The following BBS7 variants were observed in gnomAD, a reference collection of about 807,000 sequenced individuals.
The protein encoded by BBS7 is BBSome complex member BBS7.
In BBS7, 50 loss-of-function variants were observed where a neutral mutation model predicts 90.3. That is an observed-to-expected ratio of 0.55 (90% CI 0.44 to 0.70). The LOEUF (loss-of-function observed/expected upper bound fraction) is 0.70. BBS7 is among the 30% of genes least tolerant of loss of function. The pLI is 0.00. For missense variants in BBS7, 729 were observed against 838.9 expected, an observed-to-expected ratio of 0.87 and a Z score of 1.62; for synonymous variants, 235 against 287.4, an observed-to-expected ratio of 0.82 and a Z score of 1.85.
chr4:121,826,078 C>G (rs1207094753), intron 18 of BBS7, 85 bp from the exon 19 acceptor site: 2 of 1,154,800 alleles, frequency 1.7e-6, no homozygotes, highest in East Asian at 2.4e-5. Flanking sequence ...GCTTGATAAT[C>G]TATTTTTAAG....
chr4:121,826,097 A>G (rs1023963500), intron 18 of BBS7, 104 bp from the exon 19 acceptor site: 2 of 950,776 alleles, frequency 2.1e-6, no homozygotes, highest in Non-Finnish European at 3.1e-6. Flanking sequence ...AGCACCTGTA[A>G]TTCCATGATT....
Position 121,845,660 on chromosome 4 carries a change from C to T in BBS7, c.1074G>A (p.Gln358=), listed in dbSNP as rs987198206. 6.2e-7 allele frequency: 1 copy of T among 1,613,200 alleles called. No homozygotes were observed. Among genetic ancestry groups the T allele is most frequent in the Non-Finnish European group, 8.5e-7 (1 of 1,179,484 alleles). Residue 358 remains glutamine (Q), a synonymous_variant, in exon 11 of 19, where the codon CAG becomes CAA. Transcript: ENST00000264499. ...ELEHLQYKVL[Q]ERENYQQSSQ... is the part of the protein sequence containing the mutation. ...AAGACTGTTGATAATTCTCTCTTTC[C>T]TGCAATACCTTATACTGCAAATGTT...
In BBS7 at chr4:121,825,150, T is replaced by C. The variant is rs1257159711; in HGVS notation, c.*710A>G. 1 of 152,242 alleles carries C rather than the reference T, an allele frequency of 6.6e-6. No individual in the cohort carries two copies. Among genetic ancestry groups the C allele is most frequent in the Non-Finnish European group, 1.5e-5 (1 of 68,082 alleles). The allele number at this position is 152,242 out of a possible 1,614,324, so 9.4% of individuals were successfully genotyped here. Reference sequence around the variant, plus strand: ...TAAGATCCCCCGACTCTGTGTAAGCTCTTCTTATTTCCTGGCTACAATTTA... The same window carrying C: ...TAAGATCCCCCGACTCTGTGTAAGCCCTTCTTATTTCCTGGCTACAATTTA... On this transcript the variant is annotated 3_prime_UTR_variant, in exon 19 of 19. Coordinates refer to ENST00000264499, the MANE Select transcript of BBS7 (RefSeq NM_176824.3).
intron 2 of BBS7, 117 bp downstream of exon 2, chr4:121,867,863 TC>T (rs2149094039): frequency 1.1e-6 from 1 of 918,020 alleles, no homozygotes; most frequent in African/African-American, 1.7e-5. Context: ...ATTAAAAAAT[TC>T]ATTTCCATTT....
chr4:121,855,877 T>C (rs564580263), intron 5 of BBS7, among the ~76,000 whole-genome samples: 3 of 143,474 alleles, frequency 2.1e-5, no homozygotes, highest in Non-Finnish European at 3.0e-5. Context: ...TATGTATATG[T>C]ACATATATGT....
intron 2 of BBS7, among the ~76,000 whole-genome samples, chr4:121,865,148 T>G (rs1727187877): frequency 6.6e-6 from 1 of 152,208 alleles, no homozygotes; most frequent in African/African-American, 2.4e-5. Flanking sequence ...ACATGTGGTG[T>G]TCAACTTTCT....
rs561186458 is a variant in BBS7, at chr4:121,850,320, A to G, written c.850-1392T>C. The stretch of plus-strand genomic sequence containing the variant: ...GCTGGGACTACAGGTGTACACCACC[A>G]TGCCTAGCTAATTTTTTAAATTTTT... On this transcript the variant is annotated intron_variant, in intron 8 of 18. Transcript: ENST00000264499. Among the ~76,000 whole-genome samples, 13 of 151,966 alleles carry G rather than the reference A, an allele frequency of 8.6e-5. No homozygotes were observed. The East Asian group carries it at 2.5e-3, about 29-fold the overall frequency.
chr4:121,838,983 A>G (rs1313114238), intron 13 of BBS7, among the ~76,000 whole-genome samples: 1 of 151,974 alleles, frequency 6.6e-6, no homozygotes, highest in Non-Finnish European at 1.5e-5. Context: ...ATATTTTATA[A>G]TATTAAAAAA....
chr4:121,858,838 T>TA (rs1726824835), intron 5 of BBS7, 154 bp downstream of exon 5: 1 of 741,444 alleles, frequency 1.3e-6, no homozygotes, highest in South Asian at 2.0e-5. Flanking sequence ...TGACTCAAGT[T>TA]AAAAAAATTA....
At chr4:121,837,147 A>G (rs1002154931) in intron 13 of BBS7, among the ~76,000 whole-genome samples, 2 of 151,830 alleles carry the variant, frequency 1.3e-5, no homozygotes, top group Admixed American at 6.6e-5. Flanking sequence ...TGTTTCTTTT[A>G]GTAGAGATAG....
At chr4:121,849,034 T>C in intron 8 of BBS7, 106 bp from the exon 9 acceptor site, 1 of 816,282 alleles carries the variant, frequency 1.2e-6, no homozygotes, top group Non-Finnish European at 2.1e-6. Context: ...TCAACATATA[T>C]TTACTGAATG....
intron 8 of BBS7, 136 bp from the exon 9 acceptor site, chr4:121,849,064 A>T: frequency 1.5e-6 from 1 of 655,944 alleles, no homozygotes; most frequent in Non-Finnish European, 2.7e-6. Flanking sequence ...AGACACTCAG[A>T]TTAGAAAGAC....
intron 14 of BBS7, among the ~76,000 whole-genome samples, chr4:121,834,286 T>C (rs967747049): frequency 1.3e-5 from 2 of 152,186 alleles, no homozygotes; most frequent in African/African-American, 4.8e-5. Context: ...CCAAGTCTCT[T>C]GATTCCCAAT....
At chr4:121,863,097 T>G in intron 3 of BBS7, 120 bp downstream of exon 3, 1 of 927,924 alleles carries the variant, frequency 1.1e-6, no homozygotes, top group Non-Finnish European at 1.7e-6. Flanking sequence ...ACATAACTAC[T>G]TACCTCAGAA....
chr4:121,870,016 G>C (rs1452952767), intron 1 of BBS7, among the ~76,000 whole-genome samples: 1 of 152,232 alleles, frequency 6.6e-6, no homozygotes, highest in Non-Finnish European at 1.5e-5. Flanking sequence ...GGATGAGACA[G>C]TGTCACATTT....
At chr4:121,862,567 T>A (rs1403964948) in intron 3 of BBS7, among the ~76,000 whole-genome samples, 1 of 152,212 alleles carries the variant, frequency 6.6e-6, no homozygotes, top group African/African-American at 2.4e-5. Context: ...TTGATTAGGT[T>A]AAATTAAGTG....
chr4:121,851,699 C>A (rs1264624699), intron 8 of BBS7, among the ~76,000 whole-genome samples: 1 of 152,128 alleles, frequency 6.6e-6, no homozygotes, highest in Non-Finnish European at 1.5e-5. Context: ...CCTTAACTAC[C>A]TTTTTTGATT....
chr4:121,869,744 G>A (rs1727480948), intron 1 of BBS7, among the ~76,000 whole-genome samples: 1 of 152,174 alleles, frequency 6.6e-6, no homozygotes, highest in South Asian at 2.1e-4. Flanking sequence ...TAACCATGTA[G>A]GCTAGGCTGG....
chr4:121,845,603 A>G lies in BBS7; in HGVS notation c.1131T>C (p.Pro377=). 3 of 1,612,642 alleles carry G rather than the reference A, an allele frequency of 1.9e-6. No homozygotes were observed. The highest frequency in any genetic ancestry group is 2.5e-6 in the Non-Finnish European group (3 of 1,178,916). The change falls in exon 11 of 19, where the codon CCT becomes CCC. Residue 377 remains proline, a synonymous_variant. Transcript: ENST00000264499. ...SQSSKAKSAV[P]SFGINDKFTL... is the part of the protein sequence containing the mutation. Reference sequence around the variant, plus strand: ...TAAATTTATCATTTATACCAAAGGAAGGTACTGCTGATTTTGCTTTGCTTG... The same window carrying G: ...TAAATTTATCATTTATACCAAAGGAGGGTACTGCTGATTTTGCTTTGCTTG...
Sources: allele counts gnomAD v4.1 joint callset (sites outside exome capture counted in the v4.1 genomes callset), GRCh38; gene constraint gnomAD v4.1.1; transcripts MANE v1.5; gene names NCBI Gene and HGNC (gene_info 2026-07-23, HGNC 2026-07-21).